The following RUNX1T1 variants were observed in gnomAD, a reference collection of about 807,000 sequenced individuals.
RUNX1T1 encodes the protein RUNX1 partner transcriptional co-repressor 1.
A neutral mutation model predicts 62.8 loss-of-function variants in RUNX1T1; 4 were observed. The observed-to-expected ratio is 0.06, with a 90% CI of 0.03 to 0.15. RUNX1T1 has a LOEUF of 0.15. Ranked by LOEUF, RUNX1T1 falls within the 10% of genes least tolerant of loss-of-function variation. The probability of loss-of-function intolerance (pLI) is 1.00; values close to 1 mark genes in which losing one functional copy is unlikely to be tolerated. For missense variants in RUNX1T1, 508 were observed against 754.3 expected (o/e 0.67, Z 3.82); for synonymous variants, 291 against 286.0 (o/e 1.02, Z -0.18).
intron 2 of RUNX1T1, 66 bp downstream of exon 3, chr8:92,017,160 A>G (rs1351429061): frequency 8.6e-7 from 1 of 1,167,184 alleles, no homozygotes. Context: ...TTGATTTTTC[A>G]TTTGCAGAAA....
At chr8:92,094,215 C>A (rs571217075) in intron 1 of RUNX1T1, among the ~76,000 whole-genome samples, 2 of 152,250 alleles carry the variant, frequency 1.3e-5, no homozygotes, top group South Asian at 2.1e-4. Flanking sequence ...AGGAAACATG[C>A]CCCCCTGGCT....
intron 5 of RUNX1T1, among the ~76,000 whole-genome samples, chr8:91,997,665 C>T (rs1198779396): frequency 2.6e-5 from 4 of 152,130 alleles, no homozygotes; most frequent in Admixed American, 2.6e-4. Context: ...TGATCTCAAG[C>T]ATCTCTATAC....
At chr8:92,088,915 T>A (rs1443583516) in intron 1 of RUNX1T1, among the ~76,000 whole-genome samples, 1 of 152,242 alleles carries the variant, frequency 6.6e-6, no homozygotes, top group Non-Finnish European at 1.5e-5. Flanking sequence ...ACGAGTTCAC[T>A]GTATATATAC....
intron 2 of RUNX1T1, among the ~76,000 whole-genome samples, chr8:92,070,529 G>A (rs1021681483): frequency 1.3e-5 from 2 of 152,032 alleles, no homozygotes; most frequent in African/African-American, 2.4e-5. Flanking sequence ...ATCACAAGGC[G>A]CACCAGGCTA....
At chr8:92,094,304 A>G (rs1454886499) in intron 1 of RUNX1T1, among the ~76,000 whole-genome samples, 1 of 152,250 alleles carries the variant, frequency 6.6e-6, no homozygotes, top group Admixed American at 6.5e-5. Context: ...GACAATGTGT[A>G]GAAGGCAAAA....
chr8:91,986,272 T>C (rs1461787702), exon 8 of RUNX1T1: 3 of 1,613,800 alleles, frequency 1.9e-6, no homozygotes, highest in African/African-American at 1.3e-5. Flanking sequence ...ACCGCCTTAG[T>C]ACGGTGAGAG....
intron 1 of RUNX1T1, among the ~76,000 whole-genome samples, chr8:92,052,103 C>G (rs1311848031): frequency 1.3e-5 from 2 of 152,174 alleles, no homozygotes; most frequent in African/African-American, 2.4e-5. Flanking sequence ...AAGAGAACAA[C>G]AGAAGATATG....
At chr8:91,961,689 C>A (rs554544189) in intron 10 of RUNX1T1, among the ~76,000 whole-genome samples, 51 of 152,334 alleles carry the variant, frequency 3.3e-4, no homozygotes, top group Non-Finnish European at 4.6e-4. Flanking sequence ...GGGGACCTCA[C>A]AAAGCTGACT....
intron 1 of RUNX1T1, among the ~76,000 whole-genome samples, chr8:92,022,731 C>A (rs1587073637): frequency 6.6e-6 from 1 of 152,280 alleles, no homozygotes; most frequent in South Asian, 2.1e-4. Context: ...ACTACCCAGT[C>A]TAAGGTACTG....
At chr8:91,977,260 G>A (rs2130719055) in intron 8 of RUNX1T1, 1 of 194,206 alleles carries the variant, frequency 5.1e-6, no homozygotes, top group East Asian at 8.2e-5. Context: ...TATCATCTTT[G>A]CAATTTTTTA....
At chr8:92,034,504 T>C (rs1223351605) in intron 1 of RUNX1T1, among the ~76,000 whole-genome samples, 1 of 152,104 alleles carries the variant, frequency 6.6e-6, no homozygotes, top group Non-Finnish European at 1.5e-5. Context: ...TATAATTATA[T>C]TGATGCATTA....
chr8:91,999,004 G>C (rs1329910371), intron 5 of RUNX1T1, among the ~76,000 whole-genome samples: 1 of 152,120 alleles, frequency 6.6e-6, no homozygotes, highest in Non-Finnish European at 1.5e-5. Context: ...TGTTCTGTTT[G>C]TAGTGTTTTG....
intron 10 of RUNX1T1, among the ~76,000 whole-genome samples, chr8:91,969,758 C>T (rs1456410138): frequency 1.3e-5 from 2 of 152,190 alleles, no homozygotes; most frequent in African/African-American, 2.4e-5. Context: ...AAATTAAATA[C>T]TTACTCTCCC....
chr8:92,021,324 T>C (rs1427299298), intron 1 of RUNX1T1, among the ~76,000 whole-genome samples: 1 of 152,250 alleles, frequency 6.6e-6, no homozygotes, highest in African/African-American at 2.4e-5. Context: ...CTGAAAATGA[T>C]GCTATGTAGT....
chr8:92,055,366 A>C (rs1293345892), intron 1 of RUNX1T1, among the ~76,000 whole-genome samples: 1 of 152,240 alleles, frequency 6.6e-6, no homozygotes, highest in African/African-American at 2.4e-5. Context: ...CCTAAATTGT[A>C]CAAAATAGAA....
Position 91,973,358 on chromosome 8 carries a change from C to CT in RUNX1T1, c.1268-2511dup, listed in dbSNP as rs5893187. 1.0e-3 allele frequency among the ~76,000 whole-genome samples: 154 copies of CT among 150,324 alleles called. 3 individuals are homozygous for CT. The East Asian group carries it at 0.018, about 18-fold the overall frequency. ...GAAAGTTATAGAGGAATTTTTTGTA[C>CT]TTTTTTTTTGCAACTTTCCTGCATG... is the stretch of plus-strand genomic sequence containing the variant. On this transcript the variant is annotated intron_variant, in intron 9 of 10. Transcript: ENST00000396218.
At chr8:92,073,615 C>G (rs1261861915) in intron 2 of RUNX1T1, among the ~76,000 whole-genome samples, 1 of 152,150 alleles carries the variant, frequency 6.6e-6, no homozygotes, top group Non-Finnish European at 1.5e-5. Flanking sequence ...TTCCCAACTT[C>G]TTGAGTTTGA....
intron 8 of RUNX1T1, among the ~76,000 whole-genome samples, chr8:91,981,253 G>A (rs908021218): frequency 5.9e-5 from 9 of 151,934 alleles, no homozygotes; most frequent in Non-Finnish European, 1.2e-4. Flanking sequence ...TAGATTTCCC[G>A]GGGATTTAGA....
At chr8:92,019,217 T>C (rs962501027) in intron 1 of RUNX1T1, 1 of 152,034 alleles carries the variant, frequency 6.6e-6, no homozygotes, top group Admixed American at 6.6e-5. Flanking sequence ...CAAGTCTCCC[T>C]AAATAAAGGC....
Sources: gnomAD v4.1 joint callset for allele counts (sites outside exome capture counted in the v4.1 genomes callset) on GRCh38, gnomAD v4.1.1 for gene constraint, MANE v1.5 for transcripts, NCBI Gene and HGNC (gene_info 2026-07-23, HGNC 2026-07-21) for gene names.